SDK2: variants seen among roughly 807,000 people sequenced by gnomAD.
The protein encoded by SDK2 is protein sidekick-2.
SDK2 carries 105 observed loss-of-function variants against 253.9 expected under a neutral mutation model. The ratio of observed to expected loss-of-function variants is 0.41; its 90% CI spans 0.35 to 0.49. The LOEUF is 0.49. Ranked by LOEUF, SDK2 falls within the 20% of genes least tolerant of loss-of-function variation. The pLI is 0.06. For synonymous variants in SDK2, 1,249 were observed against 1,234.9 expected, an observed-to-expected ratio of 1.01 and a Z score of -0.24; for missense variants, 2,608 against 3,003.0, an observed-to-expected ratio of 0.87 and a Z score of 3.07.
rs1021445580 is a variant in SDK2, at chr17:73,609,003, T to A, written c.64+35022A>T. 1.3e-5 allele frequency among the ~76,000 whole-genome samples: 2 copies of A among 152,138 alleles called. No individual in the cohort carries two copies. Among genetic ancestry groups the A allele is most frequent in the Non-Finnish European group, 2.9e-5 (2 of 68,022 alleles). ...AATCAGATTCTTCTATTGGCTTAGATGTGGGGTGTAAGAGAAAGAGTCAAG... is the reference window on the plus strand; with the variant it reads ...AATCAGATTCTTCTATTGGCTTAGAAGTGGGGTGTAAGAGAAAGAGTCAAG... On this transcript the variant is annotated intron_variant, in intron 1 of 44. Coordinates refer to ENST00000392650, the MANE Select transcript of SDK2 (RefSeq NM_001144952.2). This position sits in a 1 kb window ranked among gnomAD's most constrained non-coding sequence, Gnocchi z 4.4.
intron 1 of SDK2, among the ~76,000 whole-genome samples, chr17:73,559,608 C>CCTCCT (rs1555603367): frequency 4.1e-5 from 6 of 147,634 alleles, no homozygotes; most frequent in East Asian, 4.0e-4. Context: ...GCCCCCCGCC[C>CCTCCT]CCGCCACCAT....
chr17:73,548,236 A>C (rs2044997567), intron 1 of SDK2, among the ~76,000 whole-genome samples: 1 of 152,234 alleles, frequency 6.6e-6, no homozygotes, highest in African/African-American at 2.4e-5. Context: ...AGGAAGTGGC[A>C]GTGGTGGCAT....
intron 18 of SDK2, among the ~76,000 whole-genome samples, chr17:73,409,816 A>C (rs957488866): frequency 7.2e-6 from 1 of 138,266 alleles, no homozygotes; most frequent in African/African-American, 2.7e-5. Flanking sequence ...AAAATAATAC[A>C]TTCTCTCTCT....
intron 18 of SDK2, among the ~76,000 whole-genome samples, chr17:73,405,895 T>TG (rs1225654782): frequency 6.6e-6 from 1 of 151,734 alleles, no homozygotes; most frequent in African/African-American, 2.4e-5. Flanking sequence ...AATTTTTTTT[T>TG]TGCATTTTTA....
chr17:73,414,896 G>T (rs879013129), intron 17 of SDK2, 137 bp from the exon 18 acceptor site: 1 of 616,666 alleles, frequency 1.6e-6, no homozygotes, highest in South Asian at 1.9e-5. Context: ...CTCCTCCCTC[G>T]CTGTGTAGAC....
At chr17:73,574,763 T>C (rs1048126990) in intron 1 of SDK2, among the ~76,000 whole-genome samples, 1 of 152,230 alleles carries the variant, frequency 6.6e-6, no homozygotes, top group Non-Finnish European at 1.5e-5. Context: ...CCCTGGCTTA[T>C]GCTAGAAGAT....
chr17:73,624,927 C>T (rs1264600399), intron 1 of SDK2, among the ~76,000 whole-genome samples: 1 of 152,188 alleles, frequency 6.6e-6, no homozygotes, highest in Non-Finnish European at 1.5e-5. Context: ...CAGGATTTTC[C>T]TAATCTCTCT....
chr17:73,471,717 G>A (rs1322363993), intron 3 of SDK2, among the ~76,000 whole-genome samples: 1 of 152,214 alleles, frequency 6.6e-6, no homozygotes. Context: ...CAGGTGTGAG[G>A]TGGACCACAG....
intron 15 of SDK2, among the ~76,000 whole-genome samples, chr17:73,419,879 C>CAAA (rs869121884): frequency 8.1e-6 from 1 of 122,854 alleles, no homozygotes; most frequent in Non-Finnish European, 1.8e-5. Flanking sequence ...GACCCTGTCT[C>CAAA]AAAAAAAAAA....
At chr17:73,458,801 C>T (rs1044494197) in intron 3 of SDK2, among the ~76,000 whole-genome samples, 19 of 152,080 alleles carry the variant, frequency 1.2e-4, no homozygotes, top group Admixed American at 5.9e-4. Flanking sequence ...GTCAGGAGTT[C>T]GAGACAACCC....
intron 1 of SDK2, among the ~76,000 whole-genome samples, chr17:73,552,967 G>A (rs1403853805): frequency 6.6e-6 from 1 of 152,238 alleles, no homozygotes; most frequent in Non-Finnish European, 1.5e-5. Context: ...GACCCGTTTG[G>A]GTTCTGGGTT....
chr17:73,555,531 C>T (rs1195054692), intron 1 of SDK2, among the ~76,000 whole-genome samples: 2 of 152,190 alleles, frequency 1.3e-5, no homozygotes. Flanking sequence ...CCTCTCTGCC[C>T]CTGGGCCTCA....
In SDK2 at chr17:73,401,769, AC is replaced by A; in HGVS notation, c.2681-18del. On this transcript the variant is annotated intron_variant, in intron 19 of 44. Transcript: ENST00000392650. ...GCCCAGGCACTGCACCCCAAAAGGA[AC>A]CCCCACCCCCCAAGGCCAGTTAGAG... is the stretch of plus-strand genomic sequence containing the variant. 1.9e-6 allele frequency: 3 copies of A among 1,557,040 alleles called. No individual in the cohort carries two copies. The highest frequency in any genetic ancestry group is 1.2e-5 in the South Asian group (1 of 84,634).
Position 73,394,190 on chromosome 17 carries a change from C to G in SDK2, c.3708+19G>C. 6.8e-7 allele frequency: 1 copy of G among 1,471,050 alleles called. No homozygotes were observed. Among genetic ancestry groups the G allele is most frequent in the Non-Finnish European group, 9.2e-7 (1 of 1,090,876 alleles). The allele number at this position is 1,471,050 out of a possible 1,614,324, so 91.1% of individuals were successfully genotyped here. Reference sequence around the variant, plus strand: ...GGGGCCAGTGTAGGGACCCCACCTCCTGGGATCCCGGGACTCACCTTATAG... The same window carrying G: ...GGGGCCAGTGTAGGGACCCCACCTCGTGGGATCCCGGGACTCACCTTATAG... On this transcript the variant is annotated intron_variant, in intron 26 of 44. Transcript: ENST00000392650.
chr17:73,552,222 G>A (rs887174133), intron 1 of SDK2, among the ~76,000 whole-genome samples: 2 of 152,170 alleles, frequency 1.3e-5, no homozygotes, highest in Non-Finnish European at 2.9e-5. Flanking sequence ...GCCTCTAGCC[G>A]GCAGCAGCAG....
At chr17:73,388,377 C>G (rs189996168) in intron 29 of SDK2, among the ~76,000 whole-genome samples, 7 of 152,324 alleles carry the variant, frequency 4.6e-5, no homozygotes, top group Admixed American at 3.3e-4. Context: ...GGGCCCTGCG[C>G]TGTCCCTGAT....
intron 10 of SDK2, among the ~76,000 whole-genome samples, chr17:73,433,326 A>C (rs773181334): frequency 6.6e-6 from 1 of 151,708 alleles, no homozygotes; most frequent in Non-Finnish European, 1.5e-5. Flanking sequence ...TCTGTCTCCC[A>C]GGCTGGAGTG....
Position 73,430,629 on chromosome 17 carries a change from G to C in SDK2, c.1481-16C>G. 3.3e-6 allele frequency: 5 copies of C among 1,512,742 alleles called. No homozygotes were observed. Among genetic ancestry groups the C allele is most frequent in the Non-Finnish European group, 4.4e-6 (5 of 1,124,534 alleles). The allele number at this position is 1,512,742 out of a possible 1,614,324, so 93.7% of individuals were successfully genotyped here. A position where few individuals can be genotyped will look rare whatever the true frequency, so the allele number is the denominator to read the frequency against. On this transcript the variant is annotated splice_polypyrimidine_tract_variant and intron_variant, in intron 11 of 44. Coordinates refer to ENST00000392650, the MANE Select transcript of SDK2 (RefSeq NM_001144952.2). ...CGGGTCCGAGCTGAAAGATACAGCGGAGACAGCATGGTGAGAAGAGGTGTG... is the reference window on the plus strand; with the variant it reads ...CGGGTCCGAGCTGAAAGATACAGCGCAGACAGCATGGTGAGAAGAGGTGTG...
chr17:73,592,150 C>T (rs2045691524), intron 1 of SDK2, among the ~76,000 whole-genome samples: 1 of 152,180 alleles, frequency 6.6e-6, no homozygotes, highest in African/African-American at 2.4e-5. Flanking sequence ...GTAGCCCTTG[C>T]ACCACAGAAA....
Sources: allele counts gnomAD v4.1 joint callset (sites outside exome capture counted in the v4.1 genomes callset), GRCh38; gene constraint gnomAD v4.1.1; non-coding constraint Gnocchi (gnomAD v3.1); transcripts MANE v1.5; gene names NCBI Gene and HGNC (gene_info 2026-07-23, HGNC 2026-07-21).